The following CADPS2 variants were observed in gnomAD, a reference collection of about 807,000 sequenced individuals.
CADPS2 encodes the protein calcium dependent secretion activator 2, also known as calcium-dependent secretion activator 2.
CADPS2 carries 93 observed loss-of-function variants against 172.5 expected under a neutral mutation model. That is an observed-to-expected ratio of 0.54 (90% CI 0.46 to 0.64). CADPS2 has a LOEUF of 0.64. Among genes scored for constraint, CADPS2 ranks in the 30% least tolerant of loss-of-function variants. CADPS2 has a pLI of 0.00. For missense variants in CADPS2, 1,420 were observed against 1,565.9 expected, an observed-to-expected ratio of 0.91 and a Z score of 1.57; for synonymous variants, 546 against 555.2, an observed-to-expected ratio of 0.98 and a Z score of 0.23.
chr7:122,461,915 C>T (rs2054497277), intron 14 of CADPS2, among the ~76,000 whole-genome samples: 1 of 151,964 alleles, frequency 6.6e-6, no homozygotes, highest in Non-Finnish European at 1.5e-5. Context: ...TTCTTAATGG[C>T]AACAAAGAAA....
intron 27 of CADPS2, 44 bp downstream of exon 27, chr7:122,360,744 A>G (rs2040017489): frequency 6.7e-7 from 1 of 1,482,760 alleles, no homozygotes; most frequent in South Asian, 1.3e-5. Context: ...ATTTTTTTTT[A>G]AAGAATTCCA....
intron 7 of CADPS2, among the ~76,000 whole-genome samples, chr7:122,568,415 T>C (rs982629770): frequency 3.6e-4 from 55 of 152,130 alleles, no homozygotes; most frequent in Non-Finnish European, 5.9e-4. Context: ...ATATCAGATA[T>C]TCATAAAACA....
intron 28 of CADPS2, among the ~76,000 whole-genome samples, chr7:122,327,056 A>T (rs924625032): frequency 6.6e-6 from 1 of 152,046 alleles, no homozygotes; most frequent in Admixed American, 6.6e-5. Context: ...CTTCCTAATG[A>T]GCACTTTCCT....
intron 17 of CADPS2, among the ~76,000 whole-genome samples, chr7:122,422,556 C>T (rs1011906495): frequency 5.3e-5 from 8 of 152,176 alleles, no homozygotes; most frequent in African/African-American, 1.9e-4. Flanking sequence ...CACACATATA[C>T]ACAATGCTTT....
At chr7:122,550,678 T>G (rs1023687153) in intron 8 of CADPS2, among the ~76,000 whole-genome samples, 2 of 152,104 alleles carry the variant, frequency 1.3e-5, no homozygotes, top group Non-Finnish European at 2.9e-5. Flanking sequence ...GTTATTTGAG[T>G]TTTAAGTTAA....
chr7:122,823,300 C>T (rs1803931447), intron 1 of CADPS2, among the ~76,000 whole-genome samples: 1 of 152,142 alleles, frequency 6.6e-6, no homozygotes, highest in African/African-American at 2.4e-5. Context: ...TTCCTTTTGC[C>T]TTGGTTTCCA....
chr7:122,519,285 T>C (rs771051011), intron 8 of CADPS2, among the ~76,000 whole-genome samples: 81 of 152,124 alleles, frequency 5.3e-4, no homozygotes, highest in Non-Finnish European at 3.4e-4. Flanking sequence ...TTCTGGATTA[T>C]TTTAAAATAA....
At chr7:122,488,441 T>C (rs2058031148) in intron 11 of CADPS2, among the ~76,000 whole-genome samples, 1 of 152,224 alleles carries the variant, frequency 6.6e-6, no homozygotes, top group Admixed American at 6.5e-5. Context: ...CAAGTTACTA[T>C]GTACCACTGT....
intron 25 of CADPS2, among the ~76,000 whole-genome samples, chr7:122,378,497 T>C (rs963888863): frequency 2.0e-5 from 3 of 152,182 alleles, no homozygotes; most frequent in African/African-American, 7.2e-5. Flanking sequence ...GATTAACATT[T>C]TTCATGTTCA....
At chr7:122,737,372 T>A (rs2092230394) in intron 1 of CADPS2, among the ~76,000 whole-genome samples, 1 of 152,108 alleles carries the variant, frequency 6.6e-6, no homozygotes, top group South Asian at 2.1e-4. Flanking sequence ...TTATGGTGCC[T>A]GCCATCACGC....
chr7:122,450,963 C>A lies in CADPS2; in HGVS notation c.2288+411G>T, dbSNP rs2053014389. On this transcript the variant is annotated intron_variant, in intron 15 of 29. Coordinates refer to ENST00000449022, the MANE Select transcript of CADPS2 (RefSeq NM_017954.11). ...ACAAGTGACAAGACAATACTACAGA[C>A]AATAAATGCTCAAAGACTTCAGAAT... 2.0e-5 allele frequency among the ~76,000 whole-genome samples: 3 copies of A among 152,070 alleles called. No individual in the cohort carries two copies. The South Asian group carries it at 6.2e-4, about 31-fold the overall frequency.
chr7:122,818,676 C>T (rs878930270), intron 1 of CADPS2, among the ~76,000 whole-genome samples: 1 of 152,152 alleles, frequency 6.6e-6, no homozygotes, highest in Non-Finnish European at 1.5e-5. Context: ...TATCACCTCC[C>T]CTCCTCACAC....
At chr7:122,432,600 C>T (rs2050082500) in intron 17 of CADPS2, among the ~76,000 whole-genome samples, 1 of 145,334 alleles carries the variant, frequency 6.9e-6, no homozygotes, top group Admixed American at 7.1e-5. Flanking sequence ...GAGATTGTAC[C>T]AGTGCACTCC....
At chr7:122,391,473 G>A (rs1032381431) in intron 22 of CADPS2, among the ~76,000 whole-genome samples, 3 of 152,010 alleles carry the variant, frequency 2.0e-5, no homozygotes, top group Non-Finnish European at 4.4e-5. Flanking sequence ...TTAAATAGAT[G>A]AGAAATTAGG....
chr7:122,375,394 T>C (rs1282318679), intron 25 of CADPS2, among the ~76,000 whole-genome samples: 1 of 152,094 alleles, frequency 6.6e-6, no homozygotes, highest in Non-Finnish European at 1.5e-5. Context: ...TAAAAGCAGA[T>C]GTATAGGCCA....
intron 22 of CADPS2, among the ~76,000 whole-genome samples, chr7:122,392,135 T>G (rs1323949758): frequency 6.6e-6 from 1 of 152,210 alleles, no homozygotes; most frequent in African/African-American, 2.4e-5. Context: ...GTTGATTTCA[T>G]ATGAGATCTT....
chr7:122,510,690 A>C (rs560848599), intron 9 of CADPS2, among the ~76,000 whole-genome samples: 2 of 152,286 alleles, frequency 1.3e-5, no homozygotes, highest in Admixed American at 6.5e-5. Context: ...TCCCTGTGAA[A>C]ACGATTCCTT....
chr7:122,610,105 T>C (rs971274112), intron 6 of CADPS2, among the ~76,000 whole-genome samples: 4 of 151,684 alleles, frequency 2.6e-5, no homozygotes, highest in African/African-American at 9.7e-5. Context: ...CTATTTTAAA[T>C]TAAAGGCTAT....
At chr7:122,828,495 C>A in intron 1 of CADPS2, among the ~76,000 whole-genome samples, 1 of 152,030 alleles carries the variant, frequency 6.6e-6, no homozygotes. Flanking sequence ...GTTCTCTTTG[C>A]CTTCATCACT....
Sources: gnomAD v4.1 joint callset for allele counts (sites outside exome capture counted in the v4.1 genomes callset) on GRCh38, gnomAD v4.1.1 for gene constraint, MANE v1.5 for transcripts, NCBI Gene and HGNC (gene_info 2026-07-23, HGNC 2026-07-21) for gene names.